The following DOCK9 variants were observed in gnomAD, a reference collection of about 807,000 sequenced individuals.
DOCK9 encodes the protein dedicator of cytokinesis protein 9.
Under a neutral mutation model 263.3 loss-of-function variants are expected in DOCK9, and 89 were observed. The ratio of observed to expected loss-of-function variants is 0.34; its 90% CI spans 0.28 to 0.40. DOCK9 has a LOEUF of 0.40. DOCK9 is among the 10% of genes least tolerant of loss of function. DOCK9 has a pLI of 1.00. For synonymous variants in DOCK9, 976 were observed against 973.1 expected (o/e 1.00, Z -0.06); for missense variants, 2,140 against 2,603.4 (o/e 0.82, Z 3.87).
intron 1 of DOCK9, among the ~76,000 whole-genome samples, chr13:99,019,911 G>A (rs1039158205): frequency 1.3e-5 from 2 of 152,064 alleles, no homozygotes; most frequent in African/African-American, 4.8e-5. Flanking sequence ...GACCAGCCTG[G>A]GCAACATGAT....
At chr13:98,831,266 G>T in intron 41 of DOCK9, 82 bp downstream of exon 41, 2 of 1,403,422 alleles carry the variant, frequency 1.4e-6, no homozygotes, top group Non-Finnish European at 1.9e-6. Context: ...AAGGTAAATT[G>T]GTTAATGTGA....
At chr13:98,877,726 C>T (rs917533940) in intron 27 of DOCK9, among the ~76,000 whole-genome samples, 9 of 152,160 alleles carry the variant, frequency 5.9e-5, no homozygotes, top group Admixed American at 1.3e-4. Flanking sequence ...AGCCACTGAA[C>T]GAAATGCACA....
chr13:99,045,892 A>G (rs541615290), intron 1 of DOCK9, among the ~76,000 whole-genome samples: 13 of 151,522 alleles, frequency 8.6e-5, no homozygotes, highest in Admixed American at 1.3e-4. Flanking sequence ...GGAGATTGAG[A>G]CTATTCTGGC....
At chr13:98,859,009 GTT>G (rs1339076612) in intron 33 of DOCK9, 1 of 152,200 alleles carries the variant, frequency 6.6e-6, no homozygotes, top group Non-Finnish European at 1.5e-5. Context: ...TCTAACGACC[GTT>G]TTGAAGACAT....
At chr13:99,035,896 T>C (rs533387575) in intron 1 of DOCK9, among the ~76,000 whole-genome samples, 19 of 152,202 alleles carry the variant, frequency 1.2e-4, no homozygotes, top group Admixed American at 7.2e-4. Flanking sequence ...TGGGAGGGCC[T>C]CATCCAAGCA....
chr13:98,810,236 C>A lies in DOCK9; in HGVS notation c.5186G>T (p.Arg1729Leu). ...QCADGLWKAE[R>L]YELIADIYKL... ...GTAGATGTCGGCGATGAGCTCGTAGCGCTCGGCTTTCCAGAGTCCATCTGC... is the reference window on the plus strand; with the variant it reads ...GTAGATGTCGGCGATGAGCTCGTAGAGCTCGGCTTTCCAGAGTCCATCTGC... The change falls in exon 46 of 53, where the codon CGC becomes CTC. Residue 1729 changes from arginine to leucine, a missense_variant. By Grantham distance (102) the Arg-to-Leu change is moderately radical. Coordinates refer to ENST00000682017, the MANE Select transcript of DOCK9 (RefSeq NM_001366683.2). 1 of 1,613,110 alleles carries A rather than the reference C, an allele frequency of 6.2e-7. No homozygotes were observed. The highest frequency in any genetic ancestry group is 8.5e-7 in the Non-Finnish European group (1 of 1,179,660).
chr13:99,086,481 C>G (rs910114447), exon 1 of DOCK9: 113 of 512,132 alleles, frequency 2.2e-4, no homozygotes, highest in African/African-American at 7.1e-4. Context: ...CCTGCTCCCC[C>G]CGCTGCTCGC....
chr13:99,044,762 A>G (rs1888795522), intron 1 of DOCK9, among the ~76,000 whole-genome samples: 1 of 152,234 alleles, frequency 6.6e-6, no homozygotes, highest in African/African-American at 2.4e-5. Context: ...TCCCCAAACT[A>G]TAATACAGTG....
At chr13:98,836,809 C>A (rs367822039) in intron 39 of DOCK9, among the ~76,000 whole-genome samples, 1 of 152,144 alleles carries the variant, frequency 6.6e-6, no homozygotes. Context: ...GACTTGGGTC[C>A]TATTTCCCAA....
intron 1 of DOCK9, among the ~76,000 whole-genome samples, chr13:99,052,679 C>T (rs2040751010): frequency 6.6e-6 from 1 of 151,964 alleles, no homozygotes; most frequent in Admixed American, 6.6e-5. Context: ...TGGTTCACTG[C>T]AGCCTCGAAC....
In DOCK9 at chr13:98,829,232, A is replaced by G; in HGVS notation, c.4965+75T>C. ...TTGATTAATGGAATAACTTTTCTCA[A>G]AACTGGCTTTTTAAGTGAATGGGGC... is the stretch of plus-strand genomic sequence containing the variant. On this transcript the variant is annotated intron_variant, in intron 43 of 52. Coordinates refer to ENST00000682017, the MANE Select transcript of DOCK9 (RefSeq NM_001366683.2). This position sits in a 1 kb window ranked among gnomAD's most constrained non-coding sequence, Gnocchi z 4.1. 1.5e-6 allele frequency: 2 copies of G among 1,377,204 alleles called. No homozygotes were observed. The highest frequency in any genetic ancestry group is 9.9e-7 in the Non-Finnish European group (1 of 1,012,418). The allele number at this position is 1,377,204 out of a possible 1,614,324, so 85.3% of individuals were successfully genotyped here. A position where few individuals can be genotyped will look rare whatever the true frequency, so the allele number is the denominator to read the frequency against.
intron 2 of DOCK9, among the ~76,000 whole-genome samples, chr13:98,952,530 T>C (rs1013609543): frequency 2.0e-5 from 3 of 152,244 alleles, no homozygotes; most frequent in Non-Finnish European, 2.9e-5. Context: ...CCAGTGCGCC[T>C]GGCCTATTCT....
chr13:98,899,795 G>C (rs1360068689), intron 13 of DOCK9, among the ~76,000 whole-genome samples: 1 of 152,174 alleles, frequency 6.6e-6, no homozygotes, highest in Non-Finnish European at 1.5e-5. Context: ...TTAGCTCTCG[G>C]ACATATGAAG....
chr13:98,860,323 T>C (rs1566747268), intron 33 of DOCK9, 82 bp downstream of exon 33: 2 of 1,543,338 alleles, frequency 1.3e-6, no homozygotes, highest in Non-Finnish European at 1.8e-6. Flanking sequence ...ACCACACAAG[T>C]GTGACACGTT....
rs1429317685 is a variant in DOCK9 at position 98,855,922 on chromosome 13, A to G, written c.3807T>C (p.Ser1269=). 6.2e-7 allele frequency: 1 copy of G among 1,613,988 alleles called. No individual in the cohort carries two copies. Among genetic ancestry groups the G allele is most frequent in the East Asian group, 2.2e-5 (1 of 44,880 alleles). The change falls in exon 34 of 53, where the codon AGT becomes AGC. Residue 1269 remains serine (S), a synonymous_variant. Transcript: ENST00000682017. ...DSGNSLPERN[S]EKSNSLDKHQ... Reference sequence around the variant, plus strand: ...CCTTATCCAGGGAATTGCTCTTCTCACTATTCCTTTCTGGAAGGCTGTTAC... The same window carrying G: ...CCTTATCCAGGGAATTGCTCTTCTCGCTATTCCTTTCTGGAAGGCTGTTAC...
intron 1 of DOCK9, among the ~76,000 whole-genome samples, chr13:98,974,093 T>G (rs2059990671): frequency 6.6e-6 from 1 of 152,116 alleles, no homozygotes; most frequent in Non-Finnish European, 1.5e-5. Context: ...AAGCCACACC[T>G]TTTTCCTCTA....
At chr13:99,062,981 TC>T (rs2142305197) in intron 1 of DOCK9, among the ~76,000 whole-genome samples, 1 of 152,292 alleles carries the variant, frequency 6.6e-6, no homozygotes, top group South Asian at 2.1e-4. Flanking sequence ...CATGACACCA[TC>T]TTTTGAAGAA....
At chr13:98,991,155 T>C (rs1490617780) in intron 1 of DOCK9, among the ~76,000 whole-genome samples, 1 of 151,818 alleles carries the variant, frequency 6.6e-6, no homozygotes, top group Non-Finnish European at 1.5e-5. Flanking sequence ...CACCACAACC[T>C]CCGCCTCCTG....
intron 1 of DOCK9, among the ~76,000 whole-genome samples, chr13:99,084,146 G>A (rs2042236769): frequency 6.6e-6 from 1 of 152,184 alleles, no homozygotes. Flanking sequence ...TATGTGGCAG[G>A]TGCACCTGCT....
Sources: allele counts gnomAD v4.1 joint callset (sites outside exome capture counted in the v4.1 genomes callset), GRCh38; gene constraint gnomAD v4.1.1; non-coding constraint Gnocchi (gnomAD v3.1); transcripts MANE v1.5; gene names NCBI Gene and HGNC (gene_info 2026-07-23, HGNC 2026-07-21).